FAM118A: variants seen among roughly 807,000 people sequenced by gnomAD.
FAM118A encodes the protein protein FAM118A.
FAM118A carries 25 observed loss-of-function variants against 38.2 expected under a neutral mutation model. The ratio of observed to expected loss-of-function variants is 0.65; its 90% confidence interval spans 0.48 to 0.91. The LOEUF (loss-of-function observed/expected upper bound fraction) is 0.91. Ranked by LOEUF, FAM118A falls within the 40% of genes least tolerant of loss-of-function variation. The probability of loss-of-function intolerance (pLI) is 0.00; values close to 1 mark genes in which losing one functional copy is unlikely to be tolerated. For missense variants in FAM118A, 425 were observed against 463.3 expected, an observed-to-expected ratio of 0.92 and a Z score of 0.76; for synonymous variants, 178 against 184.1, an observed-to-expected ratio of 0.97 and a Z score of 0.27.
intron 5 of FAM118A, 22 bp downstream of exon 5, chr22:45,330,753 A>G (rs1299034596): frequency 1.3e-6 from 2 of 1,516,856 alleles, no homozygotes; most frequent in African/African-American, 1.4e-5. Context: ...CCTAATTAGC[A>G]TCGGTGCGTC....
intron 8 of FAM118A, chr22:45,337,722 G>C (rs2086205860): frequency 2.0e-6 from 1 of 497,990 alleles, no homozygotes; most frequent in African/African-American, 2.1e-5. Context: ...TCTCTGAGAT[G>C]GAGGCCTAGG....
chr22:45,327,760 G>A, intron 3 of FAM118A, 82 bp from the exon 4 acceptor site: 2 of 1,396,884 alleles, frequency 1.4e-6, no homozygotes, highest in Admixed American at 1.8e-5. Context: ...TGTATCTCTG[G>A]CACCCAGAAA....
intron 8 of FAM118A, 46 bp from the exon 9 acceptor site, chr22:45,340,340 T>C (rs1359454731): frequency 1.2e-6 from 2 of 1,611,786 alleles, no homozygotes; most frequent in Non-Finnish European, 1.7e-6. Context: ...TAACTTCTTT[T>C]AGCTGGACTT....
At chr22:45,314,498 A>G (rs2084519510) in intron 1 of FAM118A, among the ~76,000 whole-genome samples, 1 of 152,256 alleles carries the variant, frequency 6.6e-6, no homozygotes, top group Non-Finnish European at 1.5e-5. Context: ...GAGTTACTTT[A>G]TAGCTTGTTC....
intron 6 of FAM118A, among the ~76,000 whole-genome samples, chr22:45,334,570 T>C (rs975689208): frequency 2.0e-5 from 3 of 152,196 alleles, no homozygotes; most frequent in South Asian, 2.1e-4. Context: ...CTGCTTGCCA[T>C]GTGTCACCCT....
At chr22:45,310,298 C>T (rs1336335889) in intron 1 of FAM118A, 115 bp downstream of exon 1, 1 of 151,970 alleles carries the variant, frequency 6.6e-6, no homozygotes, top group Admixed American at 6.5e-5. Flanking sequence ...CAGCTCTTCC[C>T]CTGGAGCCCC....
chr22:45,331,826 C>T (rs540498191), intron 5 of FAM118A, among the ~76,000 whole-genome samples: 11 of 152,138 alleles, frequency 7.2e-5, no homozygotes, highest in Admixed American at 6.5e-5. Context: ...TTCCCTCCTG[C>T]CTGCCTGAGT....
intron 1 of FAM118A, among the ~76,000 whole-genome samples, chr22:45,317,832 A>C (rs566936007): frequency 6.6e-6 from 1 of 152,236 alleles, no homozygotes; most frequent in South Asian, 2.1e-4. Flanking sequence ...GCAGAATTCC[A>C]CCGGGACAGG....
Position 45,335,389 on chromosome 22 carries a change from C to T in FAM118A, c.970+7C>T. On this transcript the variant is annotated splice_region_variant and intron_variant, in intron 7 of 8. Transcript: ENST00000441876. ...GACAGCACCACATTATTGGGTAAAG[C>T]AGATCTTTCTTCTTGCCAGCCTGTT... 1.2e-6 allele frequency: 2 copies of T among 1,614,176 alleles called. No homozygotes were observed. Among genetic ancestry groups the T allele is most frequent in the Non-Finnish European group, 1.7e-6 (2 of 1,179,994 alleles).
In FAM118A at chr22:45,336,594, C is replaced by T. The variant is rs568412000; in HGVS notation, c.1054+183C>T. 2.7e-4 allele frequency among the ~76,000 whole-genome samples: 41 copies of T among 152,298 alleles called. 1 individual carries two copies. The highest frequency in any genetic ancestry group is 1.9e-3 in the East Asian group (10 of 5,186). On this transcript the variant is annotated intron_variant, in intron 8 of 8. Coordinates refer to ENST00000441876, the MANE Select transcript of FAM118A (RefSeq NM_017911.4). ...AGAGACCCTGACCTCTCACCCCAAC[C>T]CGATTCCAACTGCCCAGAGCTACTG...
chr22:45,315,148 T>C (rs1374553280), intron 1 of FAM118A, among the ~76,000 whole-genome samples: 1 of 152,234 alleles, frequency 6.6e-6, no homozygotes, highest in Non-Finnish European at 1.5e-5. Context: ...AATTAGATTC[T>C]TTTTCTAGTG....
rs373415661 is a variant in FAM118A, at chr22:45,327,877, C to T, written c.336C>T (p.Asp112=). ...ATGCCAAGCCCAGCTTCTTCCAGGA[C>T]TGCCTGATGGAGGTGTTTGACGACC... ...TGDAKPSFFQ[D]CLMEVFDDLE... The change falls in exon 4 of 9, where the codon GAC becomes GAT. Residue 112 remains aspartate, a synonymous_variant. Transcript: ENST00000441876. 6.2e-7 allele frequency: 1 copy of T among 1,614,160 alleles called. No individual in the cohort carries two copies. The highest frequency in any genetic ancestry group is 8.5e-7 in the Non-Finnish European group (1 of 1,180,068).
intron 8 of FAM118A, chr22:45,337,775 T>G (rs1035697732): frequency 3.1e-6 from 3 of 966,748 alleles, no homozygotes; most frequent in Middle Eastern, 5.4e-4. Flanking sequence ...TAGTACCTCC[T>G]GAGGCCGCTT....
At chr22:45,328,410 G>A in intron 4 of FAM118A, 1 of 1,154,510 alleles carries the variant, frequency 8.7e-7, no homozygotes, top group Non-Finnish European at 1.3e-6. Flanking sequence ...TGGGGCTGCG[G>A]GCAGCCTGCA....
chr22:45,312,410 C>T (rs909251326), intron 1 of FAM118A, among the ~76,000 whole-genome samples: 1 of 152,170 alleles, frequency 6.6e-6, no homozygotes, highest in Non-Finnish European at 1.5e-5. Flanking sequence ...CGGTGGCTCA[C>T]GCCTGTAATC....
At position 45,332,707 on chromosome 22, in the gene FAM118A, C is replaced by G. The variant is rs1190411639; in HGVS notation, c.934C>G (p.Pro312Ala). Residue 312 changes from proline (P) to alanine (A), a missense_variant, in exon 6 of 9, where the codon CCA becomes GCA. Coordinates refer to ENST00000441876, the MANE Select transcript of FAM118A (RefSeq NM_017911.4). ...LATQICKQQS[P>A]DADRVDSTTL... Reference sequence around the variant, plus strand: ...CACTCAGATCTGCAAACAGCAAAGCCCAGGTATGGGATCTGGCTTCACTTT... The same window carrying G: ...CACTCAGATCTGCAAACAGCAAAGCGCAGGTATGGGATCTGGCTTCACTTT... The G allele has an allele frequency of 1.3e-6, 2 of 1,586,010 alleles. No individual in the cohort carries two copies. Among genetic ancestry groups the G allele is most frequent in the African/African-American group, 2.7e-5 (2 of 73,502 alleles).
chr22:45,336,280 G>A lies in FAM118A; in HGVS notation c.971-48G>A, dbSNP rs750653541. On this transcript the variant is annotated intron_variant, in intron 7 of 8. Coordinates refer to ENST00000441876, the MANE Select transcript of FAM118A (RefSeq NM_017911.4). ...GTCACATTATGAACTGTGCCTTGGC[G>A]AGTGGATTCTGAATAAACAAGCTTC... is the stretch of plus-strand genomic sequence containing the variant. 9 of 1,490,324 alleles carry A rather than the reference G, an allele frequency of 6.0e-6. No homozygotes were observed. In the Admixed American group the frequency reaches 6.8e-5, roughly 11 times the overall value. 92.3% of individuals were successfully genotyped at this position (1,490,324 alleles called of 1,614,324 possible). A position where few individuals can be genotyped will look rare whatever the true frequency, so the allele number is the denominator to read the frequency against.
intron 3 of FAM118A, among the ~76,000 whole-genome samples, chr22:45,325,452 C>T (rs2085197544): frequency 6.6e-6 from 1 of 152,108 alleles, no homozygotes; most frequent in Non-Finnish European, 1.5e-5. Flanking sequence ...CCATTGTAGA[C>T]TCTAAGCTGC....
intron 1 of FAM118A, among the ~76,000 whole-genome samples, chr22:45,311,528 C>T (rs1220705730): frequency 6.6e-6 from 1 of 152,086 alleles, no homozygotes; most frequent in Non-Finnish European, 1.5e-5. Context: ...TTGCAGAGTA[C>T]TGGGTTTGAG....
Sources: allele counts gnomAD v4.1 joint callset (sites outside exome capture counted in the v4.1 genomes callset), GRCh38; gene constraint gnomAD v4.1.1; transcripts MANE v1.5; gene names NCBI Gene and HGNC (gene_info 2026-07-23, HGNC 2026-07-21).